OTOA: variants seen among roughly 807,000 people sequenced by gnomAD.
The protein encoded by OTOA is cancer/testis antigen 108.
A neutral mutation model predicts 110.8 loss-of-function variants in OTOA; 70 were observed. The observed-to-expected ratio is 0.63, with a 90% confidence interval of 0.52 to 0.77. The LOEUF (loss-of-function observed/expected upper bound fraction) is 0.77. Ranked by LOEUF, OTOA falls within the 30% of genes least tolerant of loss-of-function variation. OTOA has a pLI of 0.00. For missense variants in OTOA, 917 were observed against 1,075.8 expected, an observed-to-expected ratio of 0.85 and a Z score of 2.06; for synonymous variants, 373 against 431.5, an observed-to-expected ratio of 0.86 and a Z score of 1.68.
chr16:21,713,051 C>A (rs1311983667), intron 13 of OTOA, among the ~76,000 whole-genome samples: 1 of 151,784 alleles, frequency 6.6e-6, no homozygotes, highest in Non-Finnish European at 1.5e-5. Context: ...TCAGCCTTGA[C>A]CCCCCAGGCT....
intron 17 of OTOA, chr16:21,721,532 A>G (rs569556762): frequency 7.5e-5 from 34 of 455,208 alleles, no homozygotes; most frequent in Admixed American, 1.4e-4. Flanking sequence ...TGAGGTGAGC[A>G]ACTGTGTTTC....
intron 1 of OTOA, among the ~76,000 whole-genome samples, chr16:21,677,567 C>T (rs1322566894): frequency 4.7e-5 from 7 of 148,288 alleles, no homozygotes; most frequent in African/African-American, 1.8e-4. Flanking sequence ...CTGCAAGCTC[C>T]GCATCCAGGG....
At chr16:21,688,388 CAA>C (rs1414207868) in intron 8 of OTOA, among the ~76,000 whole-genome samples, 47 of 151,440 alleles carry the variant, frequency 3.1e-4, no homozygotes, top group Non-Finnish European at 1.9e-4. Flanking sequence ...GACTCCATCT[CAA>C]AAACAAAAAC....
intron 14 of OTOA, among the ~76,000 whole-genome samples, chr16:21,715,619 C>T (rs1421552290): frequency 6.6e-6 from 1 of 151,846 alleles, no homozygotes; most frequent in Non-Finnish European, 1.5e-5. Context: ...TTTGTAGAGA[C>T]ATGGTCTTGC....
At chr16:21,672,205 CATA>C (rs1966850141) in intron 1 of OTOA, among the ~76,000 whole-genome samples, 1 of 152,134 alleles carries the variant, frequency 6.6e-6, no homozygotes, top group African/African-American at 2.4e-5. Context: ...TCAGCATAAG[CATA>C]ATGTTTCTGA....
intron 17 of OTOA, among the ~76,000 whole-genome samples, chr16:21,720,920 T>TATTATTATTATTATC (rs1245760194): frequency 2.7e-5 from 4 of 149,102 alleles, no homozygotes; most frequent in African/African-American, 4.9e-5. Flanking sequence ...TTATTATTAT[T>TATTATTATTATTATC]ATCATTATTA....
Position 21,726,096 on chromosome 16 carries a change from A to G in OTOA, c.1881-427A>G, listed in dbSNP as rs574856012. Among the ~76,000 whole-genome samples, 6 of 151,720 alleles carry G rather than the reference A, an allele frequency of 4.0e-5. No individual in the cohort carries two copies. The South Asian group carries it at 8.3e-4, about 21-fold the overall frequency. On this transcript the variant is annotated intron_variant, in intron 18 of 28. Coordinates refer to ENST00000646100, the MANE Select transcript of OTOA (RefSeq NM_144672.4). The stretch of plus-strand genomic sequence containing the variant: ...CTCTCTCCTCGTTGTCTCTTTTTTC[A>G]TCTACTTTTTCCTTTCTTTTTCATC...
intron 1 of OTOA, among the ~76,000 whole-genome samples, chr16:21,669,872 T>C (rs534442752): frequency 1.2e-4 from 18 of 152,238 alleles, no homozygotes; most frequent in African/African-American, 4.3e-4. Context: ...ACACCTGTCA[T>C]CCCAGAGCTT....
At chr16:21,680,189 A>G (rs181702985) in intron 5 of OTOA, among the ~76,000 whole-genome samples, 1 of 151,628 alleles carries the variant, frequency 6.6e-6, no homozygotes, top group East Asian at 1.9e-4. Flanking sequence ...TAATTTATCC[A>G]TCCATCCATC....
chr16:21,696,055 T>C (rs1186564948), intron 9 of OTOA, among the ~76,000 whole-genome samples: 1 of 151,280 alleles, frequency 6.6e-6, no homozygotes, highest in African/African-American at 2.4e-5. Context: ...CTACCACGCC[T>C]GGCTAATTTT....
intron 9 of OTOA, among the ~76,000 whole-genome samples, chr16:21,695,891 A>ATATATATTTTTTTTTTTTT (rs569493650): frequency 4.8e-5 from 2 of 41,904 alleles, no homozygotes; most frequent in Admixed American, 3.7e-4. Context: ...ATATATATAT[A>ATATATATTTTTTTTTTTTT]TTTTTTTTTT....
At chr16:21,682,899 G>A (rs1222345569) in intron 6 of OTOA, among the ~76,000 whole-genome samples, 2 of 152,184 alleles carry the variant, frequency 1.3e-5, no homozygotes, top group Non-Finnish European at 2.9e-5. Context: ...ACTAGCTGGA[G>A]GTGGCTGTTG....
At chr16:21,695,866 G>GATATATATATATATATATATATATATAT (rs71151648) in intron 9 of OTOA, among the ~76,000 whole-genome samples, 1 of 72,720 alleles carries the variant, frequency 1.4e-5, no homozygotes, top group African/African-American at 6.3e-5. Flanking sequence ...CTAGACTTGA[G>GATATATATATATATATATATATATATAT]ATATATATAT....
At chr16:21,712,879 G>A (rs1898402099) in intron 13 of OTOA, among the ~76,000 whole-genome samples, 1 of 152,140 alleles carries the variant, frequency 6.6e-6, no homozygotes, top group Non-Finnish European at 1.5e-5. Flanking sequence ...GATTCAGGCG[G>A]TAAAGGGGTT....
chr16:21,736,767 G>T, intron 22 of OTOA, among the ~76,000 whole-genome samples: 1 of 152,164 alleles, frequency 6.6e-6, no homozygotes, highest in Non-Finnish European at 1.5e-5. Flanking sequence ...GGAGGTGAAG[G>T]TTGCAGTGAG....
At chr16:21,723,000 C>T (rs1292104113) in intron 18 of OTOA, 22 bp downstream of exon 18, 3 of 1,610,938 alleles carry the variant, frequency 1.9e-6, no homozygotes, top group Admixed American at 3.3e-5. Context: ...TCAGCCCCCA[C>T]CTTCTGGCTC....
intron 1 of OTOA, among the ~76,000 whole-genome samples, chr16:21,673,834 G>A (rs1368032687): frequency 6.6e-6 from 1 of 152,142 alleles, no homozygotes; most frequent in Non-Finnish European, 1.5e-5. Flanking sequence ...CTGTCACCCA[G>A]GCTGGAATGC....
intron 5 of OTOA, among the ~76,000 whole-genome samples, chr16:21,679,616 G>A (rs1186669277): frequency 6.6e-6 from 1 of 152,048 alleles, no homozygotes; most frequent in Non-Finnish European, 1.5e-5. Context: ...TGTTGGCCAG[G>A]CTGGTCTCAA....
At chr16:21,665,503 G>C (rs1966839139) in intron 1 of OTOA, among the ~76,000 whole-genome samples, 1 of 152,100 alleles carries the variant, frequency 6.6e-6, no homozygotes, top group Admixed American at 6.6e-5. Context: ...CCCCCTCCCT[G>C]CCATTCGCTT....
Sources: gnomAD v4.1 joint callset for allele counts (sites outside exome capture counted in the v4.1 genomes callset) on GRCh38, gnomAD v4.1.1 for gene constraint, MANE v1.5 for transcripts, NCBI Gene and HGNC (gene_info 2026-07-23, HGNC 2026-07-21) for gene names.